Variants in ASTN2 observed in about 807,000 individuals in gnomAD.
ASTN2 encodes astrotactin-2.
A neutral mutation model predicts 139.8 loss-of-function variants in ASTN2; 54 were observed. That is an observed-to-expected ratio of 0.39 (90% CI 0.31 to 0.48). The LOEUF (loss-of-function observed/expected upper bound fraction) is 0.48. Ranked by LOEUF, ASTN2 falls within the 20% of genes least tolerant of loss-of-function variation. The probability of loss-of-function intolerance (pLI) is 0.95; values close to 1 mark genes in which losing one functional copy is unlikely to be tolerated. For missense variants in ASTN2, 1,565 were observed against 1,725.1 expected, an observed-to-expected ratio of 0.91 and a Z score of 1.64; for synonymous variants, 756 against 719.5, an observed-to-expected ratio of 1.05 and a Z score of -0.81.
In ASTN2 at chr9:117,102,431, G is replaced by T. The variant is rs115214311; in HGVS notation, c.1169-6280C>A. Reference sequence around the variant, plus strand: ...AATAACTATTGAGTTTCTTTTAGGGGTGGTAGAAATGTCTTGGAACTGGAC... The same window carrying T: ...AATAACTATTGAGTTTCTTTTAGGGTTGGTAGAAATGTCTTGGAACTGGAC... On this transcript the variant is annotated intron_variant, in intron 4 of 22. Transcript: ENST00000313400. Among the ~76,000 whole-genome samples the T allele has an allele frequency of 4.2e-3, 644 of 152,254 alleles. 6 individuals are homozygous for T. Among genetic ancestry groups the T allele is most frequent in the African/African-American group, 0.015 (618 of 41,526 alleles).
intron 1 of ASTN2, among the ~76,000 whole-genome samples, chr9:117,329,588 T>G (rs1039957603): frequency 6.6e-6 from 1 of 152,250 alleles, no homozygotes. Context: ...GAAACTCTGC[T>G]ATTCTTAGTC....
At chr9:116,609,311 T>C (rs962202379) in intron 19 of ASTN2, among the ~76,000 whole-genome samples, 1 of 119,578 alleles carries the variant, frequency 8.4e-6, no homozygotes. Context: ...TCTCTCTCTC[T>C]CTCTCTCTCT....
intron 3 of ASTN2, among the ~76,000 whole-genome samples, chr9:117,208,247 T>C (rs1021514151): frequency 1.3e-5 from 2 of 152,046 alleles, no homozygotes; most frequent in African/African-American, 4.8e-5. Flanking sequence ...AGATAGTCAA[T>C]TTAACTATAT....
intron 11 of ASTN2, among the ~76,000 whole-genome samples, chr9:116,833,168 C>G (rs1252235424): frequency 6.6e-6 from 1 of 152,022 alleles, no homozygotes; most frequent in African/African-American, 2.4e-5. Flanking sequence ...TCCATTTCAT[C>G]TAATTCATCA....
At chr9:116,548,138 CG>C (rs1337349558) in intron 19 of ASTN2, among the ~76,000 whole-genome samples, 10 of 152,192 alleles carry the variant, frequency 6.6e-5, no homozygotes. Context: ...GAGCGATTCC[CG>C]TAAGGCACTG....
At chr9:117,094,854 T>A (rs546800109) in intron 5 of ASTN2, among the ~76,000 whole-genome samples, 1 of 152,234 alleles carries the variant, frequency 6.6e-6, no homozygotes, top group South Asian at 2.1e-4. Flanking sequence ...CACAACCCCA[T>A]GAGGCAGTTA....
chr9:116,818,501 T>G (rs1161825513), intron 12 of ASTN2, among the ~76,000 whole-genome samples: 3 of 151,788 alleles, frequency 2.0e-5, no homozygotes, highest in Non-Finnish European at 2.9e-5. Flanking sequence ...TTGTTTTTTG[T>G]TTTTTTTGTT....
chr9:117,020,310 A>C (rs893921192), intron 6 of ASTN2, among the ~76,000 whole-genome samples: 1 of 151,824 alleles, frequency 6.6e-6, no homozygotes, highest in African/African-American at 2.4e-5. Context: ...TGTAGTAGTG[A>C]GTCAAACACA....
At chr9:116,781,990 A>G (rs1398011175) in intron 13 of ASTN2, among the ~76,000 whole-genome samples, 1 of 152,164 alleles carries the variant, frequency 6.6e-6, no homozygotes, top group African/African-American at 2.4e-5. Context: ...TTCAAACCCC[A>G]GTTGGTCTAA....
chr9:116,861,115 C>G (rs1466386086), intron 11 of ASTN2, among the ~76,000 whole-genome samples: 2 of 151,938 alleles, frequency 1.3e-5, no homozygotes, highest in Admixed American at 1.3e-4. Context: ...ACCGTTGAAT[C>G]TTCTCTTATC....
At chr9:116,854,442 G>A (rs553815532) in intron 11 of ASTN2, among the ~76,000 whole-genome samples, 3 of 152,132 alleles carry the variant, frequency 2.0e-5, no homozygotes, top group African/African-American at 7.2e-5. Context: ...AAGTCACATG[G>A]CTAGTGAATG....
chr9:116,948,797 T>TGTTTTTTTTTTTTTTTTTTG (rs1310401796), intron 10 of ASTN2, among the ~76,000 whole-genome samples: 2 of 118,298 alleles, frequency 1.7e-5, no homozygotes, highest in Non-Finnish European at 3.4e-5. Flanking sequence ...TTTTTTTTTT[T>TGTTTTTTTTTTTTTTTTTTG]TTTTTTTTTT....
At chr9:116,869,461 G>A (rs747923722) in intron 10 of ASTN2, among the ~76,000 whole-genome samples, 2 of 152,104 alleles carry the variant, frequency 1.3e-5, no homozygotes, top group Non-Finnish European at 2.9e-5. Flanking sequence ...TACTGCACTG[G>A]CTCTTCTCAC....
In ASTN2 at chr9:116,597,299, A is replaced by ATTTTTGTTTTTTTTTTTTTTTTTT. The variant is rs1554718677; in HGVS notation, c.3355+21024_3355+21025insAAAAAAAAAAAAAAAAAACAAAAA. ...CAAAATATTCCATGACTTTTGATCT[A>ATTTTTGTTTTTTTTTTTTTTTTTT]TTTTTTTTTTTTTTTTTTTTTTTTG... On this transcript the variant is annotated intron_variant, in intron 19 of 22. Coordinates refer to ENST00000313400, the MANE Select transcript of ASTN2 (RefSeq NM_001365068.1). Among the ~76,000 whole-genome samples, 5 of 75,532 alleles carry ATTTTTGTTTTTTTTTTTTTTTTTT rather than the reference A, an allele frequency of 6.6e-5. 1 individual carries two copies. Among genetic ancestry groups the ATTTTTGTTTTTTTTTTTTTTTTTT allele is most frequent in the South Asian group, 1.3e-3 (2 of 1,554 alleles). 49.6% of individuals were successfully genotyped at this position (75,532 alleles called of 152,430 possible). A position where few individuals can be genotyped will look rare whatever the true frequency, so the allele number is the denominator to read the frequency against.
chr9:116,924,370 C>G (rs896235419), intron 10 of ASTN2, among the ~76,000 whole-genome samples: 1 of 138,230 alleles, frequency 7.2e-6, no homozygotes, highest in African/African-American at 2.8e-5. Flanking sequence ...GCAGAGGTTA[C>G]AGTGAGTAGA....
intron 13 of ASTN2, among the ~76,000 whole-genome samples, chr9:116,770,309 A>G (rs1314494776): frequency 6.6e-6 from 1 of 152,096 alleles, no homozygotes; most frequent in African/African-American, 2.4e-5. Context: ...TTTTTTATTC[A>G]GATCTAGGGG....
intron 16 of ASTN2, among the ~76,000 whole-genome samples, chr9:116,655,295 A>G (rs1195283388): frequency 6.6e-6 from 1 of 152,198 alleles, no homozygotes; most frequent in African/African-American, 2.4e-5. Context: ...TTCTGATTCA[A>G]CCTTACCCTG....
intron 6 of ASTN2, among the ~76,000 whole-genome samples, chr9:117,027,334 A>C (rs1238179548): frequency 6.6e-6 from 1 of 152,118 alleles, no homozygotes; most frequent in Non-Finnish European, 1.5e-5. Flanking sequence ...TGTAAAAGCA[A>C]CTGTGACTCT....
chr9:116,795,404 T>C (rs1272829031), intron 13 of ASTN2, among the ~76,000 whole-genome samples: 1 of 152,206 alleles, frequency 6.6e-6, no homozygotes, highest in Non-Finnish European at 1.5e-5. Flanking sequence ...AATCCCACAT[T>C]CCTAATAAGA....
Sources: gnomAD v4.1 joint callset for allele counts (sites outside exome capture counted in the v4.1 genomes callset) on GRCh38, gnomAD v4.1.1 for gene constraint, MANE v1.5 for transcripts, NCBI Gene and HGNC (gene_info 2026-07-23, HGNC 2026-07-21) for gene names.